Variants in NSF observed in about 807,000 individuals in gnomAD.
NSF encodes the protein N-ethylmaleimide sensitive factor, vesicle fusing ATPase.
In NSF, 14 loss-of-function variants were observed where a neutral mutation model predicts 50.3. That is an observed-to-expected ratio of 0.28 (90% CI 0.18 to 0.44). NSF has a LOEUF of 0.44. NSF is among the 20% of genes least tolerant of loss of function. NSF has a pLI of 1.00. For synonymous variants in NSF, 109 were observed against 175.7 expected (o/e 0.62, Z 3.00); for missense variants, 218 against 504.3 (o/e 0.43, Z 5.44).
At chr17:46,730,597 G>A (rs1389609839) in intron 17 of NSF, among the ~76,000 whole-genome samples, 2 of 152,192 alleles carry the variant, frequency 1.3e-5, no homozygotes, top group African/African-American at 4.8e-5. Context: ...ATTATCTTAT[G>A]CTTTTAAATC....
At chr17:46,750,288 G>A (rs1431813431) in intron 18 of NSF, among the ~76,000 whole-genome samples, 1 of 152,222 alleles carries the variant, frequency 6.6e-6, no homozygotes, top group African/African-American at 2.4e-5. Context: ...AGGAGGCGGA[G>A]GTTGCAGTGA....
At chr17:46,753,722 T>A (rs2059206536) in intron 19 of NSF, among the ~76,000 whole-genome samples, 1 of 152,154 alleles carries the variant, frequency 6.6e-6, no homozygotes, top group Non-Finnish European at 1.5e-5. Flanking sequence ...TTCTTATGCA[T>A]GTGGGATAGA....
At position 46,684,680 on chromosome 17, in the gene NSF, G is replaced by A. The variant is rs1454801145; in HGVS notation, c.946-8223G>A. 1.3e-5 allele frequency among the ~76,000 whole-genome samples: 2 copies of A among 150,600 alleles called. 1 individual carries two copies. Among genetic ancestry groups the A allele is most frequent in the South Asian group, 4.3e-4 (2 of 4,676 alleles). On this transcript the variant is annotated intron_variant, in intron 9 of 20. Coordinates refer to ENST00000398238, the MANE Select transcript of NSF (RefSeq NM_006178.4). ...GATTCCCTATTTAATAAATGGTGTTGGGAAAACTGGCTAGCCATATGCAGA... is the reference window on the plus strand; with the variant it reads ...GATTCCCTATTTAATAAATGGTGTTAGGAAAACTGGCTAGCCATATGCAGA...
At chr17:46,732,622 T>TA (rs1013119125) in intron 17 of NSF, among the ~76,000 whole-genome samples, 1 of 152,332 alleles carries the variant, frequency 6.6e-6, no homozygotes, top group Non-Finnish European at 1.5e-5. Flanking sequence ...TTTGAAAGTA[T>TA]AAAAAGTGGT....
intron 14 of NSF, among the ~76,000 whole-genome samples, chr17:46,711,851 A>C (rs2058722601): frequency 1.3e-5 from 2 of 152,120 alleles, no homozygotes; most frequent in Admixed American, 6.6e-5. Context: ...GTCACTGGGG[A>C]GGATGTTTGA....
intron 15 of NSF, among the ~76,000 whole-genome samples, chr17:46,717,041 TC>T (rs1305409304): frequency 6.6e-6 from 1 of 152,172 alleles, no homozygotes; most frequent in African/African-American, 2.4e-5. Flanking sequence ...TTATCTATAC[TC>T]CCAAGTTCAT....
intron 8 of NSF, among the ~76,000 whole-genome samples, chr17:46,657,525 A>C (rs1454032791): frequency 3.2e-5 from 4 of 125,226 alleles, no homozygotes; most frequent in Non-Finnish European, 6.8e-5. Context: ...CACCTTATGA[A>C]TGTTGTTTCA....
intron 1 of NSF, among the ~76,000 whole-genome samples, chr17:46,622,223 C>T (rs1389003280): frequency 2.8e-5 from 4 of 143,440 alleles, no homozygotes; most frequent in South Asian, 2.1e-4. Flanking sequence ...TTTGGGAGAC[C>T]GAGGTGGGTG....
chr17:46,626,071 T>C (rs1433273426), intron 2 of NSF, among the ~76,000 whole-genome samples: 1 of 144,994 alleles, frequency 6.9e-6, no homozygotes, highest in Non-Finnish European at 1.5e-5. Context: ...AATATTGATA[T>C]CTACATGAAA....
intron 17 of NSF, among the ~76,000 whole-genome samples, chr17:46,747,900 G>A (rs1201180611): frequency 6.6e-6 from 1 of 151,978 alleles, no homozygotes; most frequent in African/African-American, 2.4e-5. Flanking sequence ...TTAGAAAGAA[G>A]GAATCTAGTG....
At chr17:46,684,883 G>A (rs931280651) in intron 9 of NSF, among the ~76,000 whole-genome samples, 1 of 106,862 alleles carries the variant, frequency 9.4e-6, no homozygotes, top group African/African-American at 3.6e-5. Context: ...TAATTGATGA[G>A]TAATGATGTA....
chr17:46,755,362 G>A lies in NSF; in HGVS notation c.2206G>A (p.Glu736Lys). The change falls in exon 20 of 21, where the codon GAA becomes AAA. Residue 736 changes from glutamate (E) to lysine (K), a missense_variant. Physicochemically the swap from Glu to Lys is moderately conservative, Grantham distance 56. Transcript: ENST00000398238. ...VRKFLALLREEGASPLDFD is the reference protein window; with the variant it reads ...VRKFLALLREKGASPLDFD ...AAAATTCTTGGCCCTCTTAAGAGAA[G>A]AAGGAGCGTAAGTACATACAACATT... The A allele has an allele frequency of 6.2e-7, 1 of 1,613,104 alleles. No individual in the cohort carries two copies. Among genetic ancestry groups the A allele is most frequent in the Non-Finnish European group, 8.5e-7 (1 of 1,179,008 alleles).
intron 9 of NSF, among the ~76,000 whole-genome samples, chr17:46,684,611 A>G (rs1302373760): frequency 4.6e-5 from 7 of 152,066 alleles, no homozygotes; most frequent in Non-Finnish European, 4.4e-5. Flanking sequence ...ATCTACAACC[A>G]TCTGATCTTT....
intron 15 of NSF, among the ~76,000 whole-genome samples, chr17:46,715,678 A>G (rs1394869942): frequency 6.6e-6 from 1 of 152,204 alleles, no homozygotes; most frequent in East Asian, 1.9e-4. Context: ...GTGAGATATT[A>G]TCATTTTTAT....
intron 15 of NSF, among the ~76,000 whole-genome samples, chr17:46,722,351 A>G (rs758271263): frequency 2.0e-5 from 3 of 152,192 alleles, no homozygotes; most frequent in Non-Finnish European, 2.9e-5. Context: ...CTTTGGATCT[A>G]GAGCAAGCAC....
At chr17:46,742,220 T>C (rs1402210833) in intron 17 of NSF, among the ~76,000 whole-genome samples, 1 of 152,248 alleles carries the variant, frequency 6.6e-6, no homozygotes, top group Admixed American at 6.5e-5. Context: ...GATTATTTTC[T>C]TTAAAATTTG....
chr17:46,642,386 AT>A (rs1054345098), intron 7 of NSF, among the ~76,000 whole-genome samples: 1 of 131,440 alleles, frequency 7.6e-6, no homozygotes, highest in African/African-American at 3.2e-5. Flanking sequence ...TTATTACTTT[AT>A]TTTTTGTTTA....
At chr17:46,710,753 T>G (rs558561289) in intron 13 of NSF, among the ~76,000 whole-genome samples, 21 of 152,342 alleles carry the variant, frequency 1.4e-4, no homozygotes, top group African/African-American at 4.3e-4. Context: ...ATTGTTTTTA[T>G]TCCATTAAGT....
chr17:46,646,502 CAAAAAAAAAAAAAA>C (rs1158578265), intron 8 of NSF, among the ~76,000 whole-genome samples: 1 of 502 alleles, frequency 2.0e-3, no homozygotes, highest in South Asian at 0.083. Flanking sequence ...GACTCCATCT[CAAAAAAAAAAAAAA>C]AAAAAAAAAA....
Sources: gnomAD v4.1 joint callset for allele counts (sites outside exome capture counted in the v4.1 genomes callset) on GRCh38, gnomAD v4.1.1 for gene constraint, MANE v1.5 for transcripts, NCBI Gene and HGNC (gene_info 2026-07-23, HGNC 2026-07-21) for gene names.